The following TASP1 variants were observed in gnomAD, a reference collection of about 807,000 sequenced individuals.
TASP1 encodes threonine aspartase 1.
Under a neutral mutation model 56.6 loss-of-function variants are expected in TASP1, and 16 were observed. The ratio of observed to expected loss-of-function variants is 0.28; its 90% CI spans 0.19 to 0.43. The LOEUF is 0.43. Ranked by LOEUF, TASP1 falls within the 20% of genes least tolerant of loss-of-function variation. The pLI, the probability that TASP1 is intolerant of heterozygous loss-of-function variation, is 1.00. For synonymous variants in TASP1, 179 were observed against 184.2 expected (o/e 0.97, Z 0.23); for missense variants, 393 against 511.6 (o/e 0.77, Z 2.24).
At chr20:13,443,147 ATC>A (rs1458849445) in intron 11 of TASP1, among the ~76,000 whole-genome samples, 4 of 152,170 alleles carry the variant, frequency 2.6e-5, no homozygotes, top group African/African-American at 9.6e-5. Flanking sequence ...GTGGAACAAG[ATC>A]TATTACTATA....
the TASP1 span, among the ~76,000 whole-genome samples, chr20:13,268,821 G>A: frequency 6.6e-6 from 1 of 152,140 alleles, no homozygotes. Context: ...AGGCTGAGGT[G>A]GGAGGATTAC....
At chr20:13,297,960 G>A in the TASP1 span, among the ~76,000 whole-genome samples, 96,069 of 151,976 alleles carry the variant, frequency 0.63, 31,383 homozygotes, top group African/African-American at 0.82. Context: ...AGACAGCGAT[G>A]GTTACATGCC....
At chr20:13,634,658 AG>A (rs2049225655) in intron 1 of TASP1, among the ~76,000 whole-genome samples, 1 of 149,454 alleles carries the variant, frequency 6.7e-6, no homozygotes, top group African/African-American at 2.5e-5. Flanking sequence ...TGAACCAGGG[AG>A]GCAAAGGTTG....
At chr20:13,140,363 A>C in the TASP1 span, among the ~76,000 whole-genome samples, 1 of 152,194 alleles carries the variant, frequency 6.6e-6, no homozygotes, top group Non-Finnish European at 1.5e-5. Flanking sequence ...ACGAAAAGGA[A>C]GCTAATAAAT....
chr20:13,504,946 T>A (rs915990810), intron 10 of TASP1, among the ~76,000 whole-genome samples: 1 of 151,936 alleles, frequency 6.6e-6, no homozygotes, highest in Non-Finnish European at 1.5e-5. Flanking sequence ...ATCCCTACTA[T>A]CAATAATTAC....
chr20:13,637,326 T>A (rs909799277), intron 1 of TASP1, among the ~76,000 whole-genome samples: 3 of 152,190 alleles, frequency 2.0e-5, no homozygotes, highest in African/African-American at 7.2e-5. Flanking sequence ...TGGAAAACAT[T>A]TGGCACTCAC....
intron 11 of TASP1, among the ~76,000 whole-genome samples, chr20:13,463,082 A>T (rs2044116208): frequency 6.6e-6 from 1 of 152,276 alleles, no homozygotes; most frequent in African/African-American, 2.4e-5. Context: ...AAAAAAGAAC[A>T]AAATTGGAGG....
At chr20:13,483,892 T>G (rs2043228730) in intron 10 of TASP1, among the ~76,000 whole-genome samples, 5 of 151,702 alleles carry the variant, frequency 3.3e-5, no homozygotes, top group African/African-American at 7.3e-5. Context: ...TGGGAGAAAA[T>G]TTTTGCAATG....
At chr20:13,457,947 A>T (rs1414058940) in intron 11 of TASP1, among the ~76,000 whole-genome samples, 1 of 152,214 alleles carries the variant, frequency 6.6e-6, no homozygotes, top group Non-Finnish European at 1.5e-5. Context: ...TCAAGTGAAG[A>T]ATCACTGTGA....
intron 10 of TASP1, among the ~76,000 whole-genome samples, chr20:13,511,531 A>G (rs763053380): frequency 1.3e-5 from 2 of 152,146 alleles, no homozygotes; most frequent in Non-Finnish European, 2.9e-5. Flanking sequence ...AACTACACCA[A>G]TCCAAACTTA....
At chr20:13,257,135 G>A in the TASP1 span, among the ~76,000 whole-genome samples, 1 of 152,194 alleles carries the variant, frequency 6.6e-6, no homozygotes, top group Non-Finnish European at 1.5e-5. Context: ...TCAACATGAA[G>A]CTCCTCTTTT....
chr20:13,207,422 A>C, the TASP1 span, among the ~76,000 whole-genome samples: 1 of 152,226 alleles, frequency 6.6e-6, no homozygotes, highest in Non-Finnish European at 1.5e-5. Context: ...GTATAGATAG[A>C]TAGACATAGA....
chr20:13,496,971 T>C (rs2043754850), intron 10 of TASP1, among the ~76,000 whole-genome samples: 1 of 152,218 alleles, frequency 6.6e-6, no homozygotes, highest in South Asian at 2.1e-4. Context: ...ATGCTGTAGA[T>C]GAGGACAAGA....
chr20:13,518,313 T>A (rs1299982324), intron 10 of TASP1, among the ~76,000 whole-genome samples: 1 of 152,116 alleles, frequency 6.6e-6, no homozygotes, highest in Non-Finnish European at 1.5e-5. Context: ...AAGAGCAATG[T>A]ATTTAACTCC....
the TASP1 span, among the ~76,000 whole-genome samples, chr20:13,112,111 A>G: frequency 2.0e-5 from 3 of 152,228 alleles, no homozygotes; most frequent in Non-Finnish European, 4.4e-5. Context: ...CTTACACAGC[A>G]ATGATTTATT....
the TASP1 span, chr20:13,279,699 G>C: frequency 6.2e-7 from 1 of 1,614,002 alleles, no homozygotes; most frequent in Non-Finnish European, 8.5e-7. Context: ...CGGAGAATAA[G>C]CCCAGCTGGT....
the TASP1 span, among the ~76,000 whole-genome samples, chr20:13,235,450 T>C: frequency 6.6e-6 from 1 of 152,076 alleles, no homozygotes; most frequent in Non-Finnish European, 1.5e-5. Flanking sequence ...CTGTGTCCCA[T>C]TCAGTAAAAT....
the TASP1 span, among the ~76,000 whole-genome samples, chr20:13,150,952 A>G: frequency 9.8e-5 from 15 of 152,292 alleles, no homozygotes; most frequent in South Asian, 2.9e-3. Flanking sequence ...ATGAGCTCTC[A>G]TAACACCAGA....
the TASP1 span, among the ~76,000 whole-genome samples, chr20:13,298,306 C>T: frequency 1.3e-5 from 2 of 152,074 alleles, no homozygotes; most frequent in African/African-American, 4.8e-5. Flanking sequence ...GGGGTTTCAC[C>T]TTGTTGGCCA....
Sources: gnomAD v4.1 joint callset for allele counts (sites outside exome capture counted in the v4.1 genomes callset) on GRCh38, gnomAD v4.1.1 for gene constraint, MANE v1.5 for transcripts, NCBI Gene and HGNC (gene_info 2026-07-23, HGNC 2026-07-21) for gene names.